Variants in ST6GAL1 observed in about 807,000 individuals in gnomAD.
ST6GAL1 encodes ST6 beta-galactoside alpha-2,6-sialyltransferase 1, also known as beta-galactoside alpha-2,6-sialyltransferase 1.
Under a neutral mutation model 38.0 loss-of-function variants are expected in ST6GAL1, and 20 were observed. The observed-to-expected ratio is 0.53, with a 90% CI of 0.37 to 0.77. ST6GAL1 has a LOEUF of 0.77. Among genes scored for constraint, ST6GAL1 ranks in the 30% least tolerant of loss-of-function variants. The pLI is 0.00. For synonymous variants in ST6GAL1, 196 were observed against 188.2 expected, an observed-to-expected ratio of 1.04 and a Z score of -0.34; for missense variants, 432 against 496.4, an observed-to-expected ratio of 0.87 and a Z score of 1.23.
rs567605713 is a variant in ST6GAL1 at position 187,005,064 on chromosome 3, T to C, written c.-182-33678T>C. Among the ~76,000 whole-genome samples the C allele has an allele frequency of 3.3e-5, 5 of 152,036 alleles. No homozygotes were observed. The South Asian group carries it at 1.0e-3, about 32-fold the overall frequency. The stretch of plus-strand genomic sequence containing the variant: ...AGTACATTTTATGGTATTGCAGTTT[T>C]TTTTTTAGGTCTTTCTTTTTTAAGG... On this transcript the variant is annotated intron_variant, in intron 2 of 7. Transcript: ENST00000169298.
In ST6GAL1 at chr3:187,043,306, A is replaced by G; in HGVS notation, c.603A>G (p.Glu201=). The change falls in exon 4 of 8, where the codon GAA becomes GAG. Residue 201 remains glutamate (E), a synonymous_variant. Transcript: ENST00000169298. ...GSLKSSQLGR[E]IDDHDAVLRF... is the part of the protein sequence containing the mutation. ...TGAAGTCCTCCCAACTAGGCAGAGA[A>G]ATCGGTATGTTCTGGGGTTGTTCTG... 1 of 1,612,716 alleles carries G rather than the reference A, an allele frequency of 6.2e-7. No homozygotes were observed. The highest frequency in any genetic ancestry group is 2.2e-5 in the East Asian group (1 of 44,872).
rs534989808 is a variant in ST6GAL1 at position 186,979,704 on chromosome 3, C to T, written c.-183+15778C>T. 2.6e-5 allele frequency among the ~76,000 whole-genome samples: 4 copies of T among 152,290 alleles called. No individual in the cohort carries two copies. In the South Asian group the frequency reaches 8.3e-4, roughly 32 times the overall value. ...CCAGTACCTGAATATGTGGGTTGTT[C>T]TATGCCACCGGGCCCCCTGCCTGTT... On this transcript the variant is annotated intron_variant, in intron 2 of 7. Transcript: ENST00000169298.
intron 4 of ST6GAL1, among the ~76,000 whole-genome samples, chr3:187,044,776 A>G: frequency 6.6e-6 from 1 of 152,174 alleles, no homozygotes; most frequent in Admixed American, 6.5e-5. Context: ...AATTTTATGC[A>G]CTCCTTAAAG....
intron 1 of ST6GAL1, among the ~76,000 whole-genome samples, chr3:186,950,193 G>A (rs1278406281): frequency 6.6e-6 from 1 of 152,158 alleles, no homozygotes; most frequent in African/African-American, 2.4e-5. Flanking sequence ...GAATGAAGAA[G>A]AATCTGCCAG....
At position 187,058,636 on chromosome 3, in the gene ST6GAL1, T is replaced by G. The variant is rs1006154932; in HGVS notation, c.705+7290T>G. Among the ~76,000 whole-genome samples, 9 of 15,220 alleles carry G rather than the reference T, an allele frequency of 5.9e-4. No individual in the cohort carries two copies. In the African/African-American group the frequency reaches 9.3e-3, roughly 16 times the overall value. 10.0% of individuals were successfully genotyped at this position (15,220 alleles called of 152,430 possible). ...ATTTTGGCTTTTGGTATTACTTTTA[T>G]TATTATTATTATTATTATTATTTGA... On this transcript the variant is annotated intron_variant, in intron 5 of 7. Transcript: ENST00000169298.
At chr3:187,030,332 T>C (rs1256052109) in intron 2 of ST6GAL1, among the ~76,000 whole-genome samples, 1 of 152,194 alleles carries the variant, frequency 6.6e-6, no homozygotes, top group Admixed American at 6.5e-5. Flanking sequence ...TGTTAGAGGT[T>C]CAGTCTAACA....
At chr3:187,073,966 C>T (rs1719474468) in intron 6 of ST6GAL1, 193 bp from the exon 7 acceptor site, 1 of 491,340 alleles carries the variant, frequency 2.0e-6, no homozygotes, top group Non-Finnish European at 3.5e-6. Context: ...ATAGGCTAGG[C>T]CCCACCCTGC....
intron 2 of ST6GAL1, among the ~76,000 whole-genome samples, chr3:187,009,694 A>G (rs1020972631): frequency 2.0e-5 from 3 of 152,164 alleles, no homozygotes; most frequent in African/African-American, 7.2e-5. Flanking sequence ...TTATGAATTT[A>G]TTTTTAATTG....
chr3:187,017,477 T>C lies in ST6GAL1; in HGVS notation c.-182-21265T>C, dbSNP rs867436866. ...CCACTCACCTTCATGGCTGTGAGAT[T>C]AGGGGTGGGAGGGCAGGGGAGGGTT... On this transcript the variant is annotated intron_variant, in intron 2 of 7. Transcript: ENST00000169298. 2.0e-5 allele frequency among the ~76,000 whole-genome samples: 3 copies of C among 151,232 alleles called. No homozygotes were observed. In the East Asian group the frequency reaches 5.9e-4, roughly 30 times the overall value.
intron 2 of ST6GAL1, among the ~76,000 whole-genome samples, chr3:187,016,087 A>G (rs533962098): frequency 1.3e-5 from 2 of 152,320 alleles, no homozygotes; most frequent in East Asian, 3.9e-4. Flanking sequence ...AGGCAATCAC[A>G]GTCACTTTTC....
chr3:186,953,786 A>G (rs569915885), intron 1 of ST6GAL1, among the ~76,000 whole-genome samples: 3 of 151,784 alleles, frequency 2.0e-5, no homozygotes, highest in South Asian at 4.2e-4. Context: ...AAATTTATAC[A>G]TGAAGAAACT....
chr3:186,969,905 G>A (rs1192486375), intron 2 of ST6GAL1, among the ~76,000 whole-genome samples: 1 of 152,214 alleles, frequency 6.6e-6, no homozygotes, highest in Admixed American at 6.5e-5. Flanking sequence ...GGAACACCAG[G>A]ATTTTGGAGC....
intron 1 of ST6GAL1, among the ~76,000 whole-genome samples, chr3:186,940,784 T>A (rs1296827388): frequency 9.0e-3 from 47 of 5,224 alleles, no homozygotes; most frequent in African/African-American, 0.033. Context: ...CATGTCAGTG[T>A]TTTTTTTTTT....
intron 2 of ST6GAL1, among the ~76,000 whole-genome samples, chr3:187,005,465 T>C (rs2108555393): frequency 6.6e-6 from 1 of 151,910 alleles, no homozygotes; most frequent in South Asian, 2.1e-4. Flanking sequence ...TTAGTAGAGA[T>C]GGGGTTTCAC....
intron 2 of ST6GAL1, among the ~76,000 whole-genome samples, chr3:187,015,468 C>T (rs959246470): frequency 1.3e-5 from 2 of 152,080 alleles, no homozygotes; most frequent in African/African-American, 4.8e-5. Flanking sequence ...CACTGAAATT[C>T]CAGGGTTAGG....
intron 1 of ST6GAL1, among the ~76,000 whole-genome samples, chr3:186,954,683 T>C (rs1238167611): frequency 6.6e-6 from 1 of 152,144 alleles, no homozygotes; most frequent in East Asian, 1.9e-4. Context: ...GTTTTTTTTT[T>C]CTTGCAAATT....
intron 2 of ST6GAL1, among the ~76,000 whole-genome samples, chr3:186,979,956 G>T (rs982982144): frequency 6.6e-6 from 1 of 152,212 alleles, no homozygotes; most frequent in Non-Finnish European, 1.5e-5. Context: ...ATTATGCTAA[G>T]TGGTTGATGA....
intron 5 of ST6GAL1, among the ~76,000 whole-genome samples, chr3:187,061,392 T>C (rs2108594754): frequency 6.6e-6 from 1 of 152,266 alleles, no homozygotes; most frequent in African/African-American, 2.4e-5. Context: ...AAAATTTATA[T>C]GAAACCTCAA....
rs191446307 is a variant in ST6GAL1, at chr3:187,038,849, C to T, written c.-75C>T. On this transcript the variant is annotated 5_prime_UTR_variant, in exon 3 of 8. Transcript: ENST00000169298. ...TCCTGAGGACCTGAAGGGCCTGCCGCCCCTGGGGGATTAGCCAGAAGCAGG... is the reference window on the plus strand; with the variant it reads ...TCCTGAGGACCTGAAGGGCCTGCCGTCCCTGGGGGATTAGCCAGAAGCAGG... 6.6e-5 allele frequency: 10 copies of T among 152,360 alleles called. No individual in the cohort carries two copies. The highest frequency in any genetic ancestry group is 2.1e-4 in the South Asian group (1 of 4,832). The allele number at this position is 152,360 out of a possible 1,614,324, so 9.4% of individuals were successfully genotyped here. A position where few individuals can be genotyped will look rare whatever the true frequency, so the allele number is the denominator to read the frequency against.
Sources: gnomAD v4.1 joint callset for allele counts (sites outside exome capture counted in the v4.1 genomes callset) on GRCh38, gnomAD v4.1.1 for gene constraint, MANE v1.5 for transcripts, NCBI Gene and HGNC (gene_info 2026-07-23, HGNC 2026-07-21) for gene names.